CACNB4: variants seen among roughly 807,000 people sequenced by gnomAD.
CACNB4 encodes voltage-dependent L-type calcium channel subunit beta-4.
Under a neutral mutation model 71.2 loss-of-function variants are expected in CACNB4, and 32 were observed. That is an observed-to-expected ratio of 0.45 (90% confidence interval 0.34 to 0.60). The LOEUF (loss-of-function observed/expected upper bound fraction) is 0.60. CACNB4 is among the 20% of genes least tolerant of loss of function. The probability of loss-of-function intolerance (pLI) is 0.01; values close to 1 mark genes in which losing one functional copy is unlikely to be tolerated. For missense variants in CACNB4, 464 were observed against 647.9 expected, an observed-to-expected ratio of 0.72 and a Z score of 3.08; for synonymous variants, 231 against 236.9, an observed-to-expected ratio of 0.97 and a Z score of 0.23.
intron 2 of CACNB4, among the ~76,000 whole-genome samples, chr2:151,949,855 A>G (rs1217571656): frequency 1.3e-5 from 2 of 152,006 alleles, no homozygotes; most frequent in Non-Finnish European, 2.9e-5. Flanking sequence ...CGAGACCAAC[A>G]TGGCCAACAT....
At chr2:151,964,012 C>T (rs187668933) in intron 2 of CACNB4, among the ~76,000 whole-genome samples, 1 of 136,728 alleles carries the variant, frequency 7.3e-6, no homozygotes, top group Admixed American at 8.3e-5. Flanking sequence ...GAGGTTGCAG[C>T]GAGCCAAGAT....
chr2:151,953,576 G>A (rs1320218448), intron 2 of CACNB4, among the ~76,000 whole-genome samples: 1 of 152,226 alleles, frequency 6.6e-6, no homozygotes, highest in African/African-American at 2.4e-5. Context: ...GAAAGAATTT[G>A]TGTGGAGCAC....
chr2:152,055,892 G>A (rs1446285851), intron 2 of CACNB4, among the ~76,000 whole-genome samples: 1 of 152,014 alleles, frequency 6.6e-6, no homozygotes, highest in East Asian at 1.9e-4. Context: ...AGTGAGTGGC[G>A]ACCGAAGCTC....
At chr2:151,989,142 C>T (rs889752148) in intron 2 of CACNB4, among the ~76,000 whole-genome samples, 3 of 152,294 alleles carry the variant, frequency 2.0e-5, no homozygotes, top group African/African-American at 4.8e-5. Flanking sequence ...GGCCTCAGTA[C>T]GAATCTGGTT....
At chr2:152,054,534 A>G (rs1685627673) in intron 2 of CACNB4, among the ~76,000 whole-genome samples, 1 of 152,160 alleles carries the variant, frequency 6.6e-6, no homozygotes, top group Admixed American at 6.5e-5. Context: ...GCTGCAAAAA[A>G]CATTCTTGTA....
At chr2:151,886,404 C>T (rs567977538) in intron 2 of CACNB4, among the ~76,000 whole-genome samples, 1 of 152,320 alleles carries the variant, frequency 6.6e-6, no homozygotes, top group South Asian at 2.1e-4. Context: ...TAGAAGACAG[C>T]TGATTTCCTG....
intron 2 of CACNB4, among the ~76,000 whole-genome samples, chr2:152,089,729 T>G (rs1051304265): frequency 9.2e-5 from 14 of 151,510 alleles, no homozygotes; most frequent in African/African-American, 3.2e-4. Context: ...CCCAGCAGTT[T>G]GAGACCAGCC....
intron 2 of CACNB4, among the ~76,000 whole-genome samples, chr2:151,959,197 C>T (rs917344077): frequency 6.6e-6 from 1 of 152,196 alleles, no homozygotes; most frequent in Non-Finnish European, 1.5e-5. Context: ...ATAGCCAGAG[C>T]CTGCTGAATG....
At chr2:152,023,581 C>A (rs1016543723) in intron 2 of CACNB4, among the ~76,000 whole-genome samples, 6 of 151,858 alleles carry the variant, frequency 4.0e-5, no homozygotes, top group Non-Finnish European at 8.8e-5. Context: ...ATTACAGGCG[C>A]CTGCCACCAC....
At chr2:152,016,707 C>A (rs145152070) in intron 2 of CACNB4, among the ~76,000 whole-genome samples, 1 of 152,204 alleles carries the variant, frequency 6.6e-6, no homozygotes, top group African/African-American at 2.4e-5. Context: ...TACGTTTGCA[C>A]GCTCAGGCAC....
At chr2:152,015,721 G>A (rs1683305684) in intron 2 of CACNB4, among the ~76,000 whole-genome samples, 2 of 152,218 alleles carry the variant, frequency 1.3e-5, no homozygotes, top group South Asian at 2.1e-4. Context: ...GTCCCAGAGC[G>A]AAGATGACAG....
chr2:151,965,929 C>A (rs1224178538), intron 2 of CACNB4, among the ~76,000 whole-genome samples: 1 of 152,178 alleles, frequency 6.6e-6, no homozygotes, highest in African/African-American at 2.4e-5. Context: ...ACCACATATA[C>A]CTGCTTCCTT....
intron 2 of CACNB4, among the ~76,000 whole-genome samples, chr2:152,002,347 CAA>C (rs1376388814): frequency 6.6e-6 from 1 of 152,062 alleles, no homozygotes; most frequent in African/African-American, 2.4e-5. Context: ...TTTAGGAAGA[CAA>C]TTTTTTTAAT....
chr2:151,880,470 C>T (rs908312981), intron 4 of CACNB4: 11 of 337,284 alleles, frequency 3.3e-5, no homozygotes, highest in Non-Finnish European at 6.0e-5. Context: ...ACCAAACTTA[C>T]ATTTTCCAAA....
intron 4 of CACNB4, chr2:151,879,668 G>A (rs543622550): frequency 6.6e-6 from 1 of 152,290 alleles, no homozygotes; most frequent in South Asian, 2.1e-4. Flanking sequence ...CTATATCAAA[G>A]ATGTTTTCTT....
intron 2 of CACNB4, among the ~76,000 whole-genome samples, chr2:152,031,452 G>A (rs1452209876): frequency 1.3e-5 from 2 of 152,200 alleles, no homozygotes; most frequent in Non-Finnish European, 2.9e-5. Context: ...ACACGCAGGT[G>A]AGCGGAGACT....
intron 2 of CACNB4, among the ~76,000 whole-genome samples, chr2:151,906,421 A>G (rs2099854833): frequency 6.6e-6 from 1 of 152,168 alleles, no homozygotes; most frequent in South Asian, 2.1e-4. Context: ...ACCTATATAA[A>G]CTTTAAAAAT....
rs537764155 is a variant in CACNB4 at position 151,935,660 on chromosome 2, T to A, written c.148-52290A>T. Among the ~76,000 whole-genome samples the A allele has an allele frequency of 2.6e-5, 4 of 152,340 alleles. No individual in the cohort carries two copies. The South Asian group carries it at 8.3e-4, about 32-fold the overall frequency. On this transcript the variant is annotated intron_variant, in intron 2 of 13. Transcript: ENST00000539935. ...ATCCACTTTACTTGAATGCAGATGC[T>A]GAACTCACTCAAGAAAATTCAAGTT...
chr2:152,099,167 C>G (rs1034369909), upstream of CACNB4: 2 of 520,326 alleles, frequency 3.8e-6, no homozygotes, highest in African/African-American at 4.1e-5. Context: ...CTTCGGAGAG[C>G]GCGGCACCTT....
Sources: allele counts gnomAD v4.1 joint callset (sites outside exome capture counted in the v4.1 genomes callset), GRCh38; gene constraint gnomAD v4.1.1; transcripts MANE v1.5; gene names NCBI Gene and HGNC (gene_info 2026-07-23, HGNC 2026-07-21).